ASIC2: variants seen among roughly 807,000 people sequenced by gnomAD.
The protein encoded by ASIC2 is acid sensing ion channel subunit 2.
ASIC2 carries 25 observed loss-of-function variants against 57.3 expected under a neutral mutation model. The observed-to-expected ratio is 0.44, with a 90% CI of 0.32 to 0.61. ASIC2 has a LOEUF of 0.61. ASIC2 is among the 20% of genes least tolerant of loss of function. The probability of loss-of-function intolerance (pLI) is 0.06; values close to 1 mark genes in which losing one functional copy is unlikely to be tolerated. For synonymous variants in ASIC2, 319 were observed against 307.5 expected, an observed-to-expected ratio of 1.04 and a Z score of -0.39; for missense variants, 641 against 738.1, an observed-to-expected ratio of 0.87 and a Z score of 1.52.
At chr17:33,025,471 C>T (rs1264140720) in intron 5 of ASIC2, among the ~76,000 whole-genome samples, 3 of 152,122 alleles carry the variant, frequency 2.0e-5, no homozygotes, top group Non-Finnish European at 4.4e-5. Flanking sequence ...CTCAATGGAG[C>T]AGAAGAAAGA....
intron 1 of ASIC2, among the ~76,000 whole-genome samples, chr17:33,144,214 A>G (rs1401663244): frequency 6.6e-6 from 1 of 152,162 alleles, no homozygotes; most frequent in African/African-American, 2.4e-5. Flanking sequence ...GAGACTGCTC[A>G]GTTTCTTTTT....
intron 2 of ASIC2, among the ~76,000 whole-genome samples, chr17:33,107,175 C>A (rs960623018): frequency 1.3e-5 from 2 of 152,214 alleles, no homozygotes; most frequent in African/African-American, 4.8e-5. Flanking sequence ...ACCTCCCTTT[C>A]TGCCTTCAAT....
At chr17:33,780,563 T>G (rs1271143834) in intron 1 of ASIC2, among the ~76,000 whole-genome samples, 1 of 152,226 alleles carries the variant, frequency 6.6e-6, no homozygotes, top group Non-Finnish European at 1.5e-5. Flanking sequence ...GACCTGAGTT[T>G]GAATCCCTAT....
chr17:33,287,765 C>T (rs909894979), intron 1 of ASIC2, among the ~76,000 whole-genome samples: 1 of 152,174 alleles, frequency 6.6e-6, no homozygotes, highest in Admixed American at 6.5e-5. Context: ...GCACTTCCCC[C>T]CAAAGGCCTC....
At chr17:33,807,794 T>C (rs904259215) in intron 1 of ASIC2, among the ~76,000 whole-genome samples, 1 of 152,270 alleles carries the variant, frequency 6.6e-6, no homozygotes, top group Non-Finnish European at 1.5e-5. Flanking sequence ...TGATGACATA[T>C]GATGTGGAGC....
intron 9 of ASIC2, among the ~76,000 whole-genome samples, 170 bp from the exon 10 acceptor site, chr17:33,014,236 GA>G (rs2091794250): frequency 6.6e-6 from 1 of 152,170 alleles, no homozygotes; most frequent in Non-Finnish European, 1.5e-5. Context: ...AGGCTGAATG[GA>G]ATCCTTACCA....
intron 1 of ASIC2, among the ~76,000 whole-genome samples, chr17:33,925,768 G>A (rs749101742): frequency 6.6e-6 from 1 of 152,128 alleles, no homozygotes; most frequent in Non-Finnish European, 1.5e-5. Flanking sequence ...GGCCATTCTT[G>A]TGCCCATGGT....
At chr17:34,031,589 A>G (rs565617772) in intron 1 of ASIC2, among the ~76,000 whole-genome samples, 3 of 152,334 alleles carry the variant, frequency 2.0e-5, no homozygotes, top group African/African-American at 4.8e-5. Context: ...ATTCGAACCA[A>G]TGGCAAAGAA....
At chr17:34,153,425 G>A (rs1026483097) in intron 1 of ASIC2, among the ~76,000 whole-genome samples, 2 of 152,212 alleles carry the variant, frequency 1.3e-5, no homozygotes, top group Non-Finnish European at 2.9e-5. Context: ...ACAACCACCT[G>A]TCCAGGCTCT....
At chr17:33,885,483 C>T (rs1291093051) in intron 1 of ASIC2, among the ~76,000 whole-genome samples, 1 of 152,134 alleles carries the variant, frequency 6.6e-6, no homozygotes, top group Non-Finnish European at 1.5e-5. Flanking sequence ...TTGTTTTTAG[C>T]AGTACTTATA....
At chr17:33,147,079 C>T (rs1336069077) in intron 1 of ASIC2, among the ~76,000 whole-genome samples, 2 of 152,172 alleles carry the variant, frequency 1.3e-5, no homozygotes, top group African/African-American at 4.8e-5. Context: ...GAAGTAAGAA[C>T]TTAATAACTA....
Position 33,589,316 on chromosome 17 carries a change from C to T in ASIC2, c.556-477249G>A, listed in dbSNP as rs538897419. ...GAAAGCTTTCAGAAGGCCATGAGCC[C>T]CCTGAACTGAAATTATTTCTTATTT... is the stretch of plus-strand genomic sequence containing the variant. On this transcript the variant is annotated intron_variant, in intron 1 of 9. Coordinates refer to the ASIC2 transcript ENST00000359872. Among the ~76,000 whole-genome samples the T allele has an allele frequency of 2.0e-5, 3 of 152,254 alleles. No homozygotes were observed. In the East Asian group the frequency reaches 5.8e-4, roughly 29 times the overall value.
intron 1 of ASIC2, among the ~76,000 whole-genome samples, chr17:33,395,028 A>G (rs1202095357): frequency 7.2e-6 from 1 of 138,072 alleles, no homozygotes; most frequent in African/African-American, 2.7e-5. Flanking sequence ...ATCCATGCAC[A>G]TATCTATCCA....
chr17:33,942,198 G>A (rs1916206666), intron 1 of ASIC2, among the ~76,000 whole-genome samples: 1 of 152,110 alleles, frequency 6.6e-6, no homozygotes, highest in Admixed American at 6.5e-5. Flanking sequence ...ATGCCTGAAA[G>A]CCCCTGGAGA....
intron 1 of ASIC2, among the ~76,000 whole-genome samples, chr17:33,745,622 G>GA (rs1287770584): frequency 6.6e-6 from 1 of 150,958 alleles, no homozygotes. Flanking sequence ...ATGTAAGTCA[G>GA]AAAGCAGTGG....
chr17:33,224,146 G>A (rs530250309), intron 1 of ASIC2, among the ~76,000 whole-genome samples: 20 of 152,358 alleles, frequency 1.3e-4, no homozygotes, highest in African/African-American at 4.6e-4. Context: ...GTCAGGTGTT[G>A]TGCATGTAAG....
intron 1 of ASIC2, among the ~76,000 whole-genome samples, chr17:33,132,639 G>A (rs1338714077): frequency 6.6e-6 from 1 of 152,236 alleles, no homozygotes; most frequent in African/African-American, 2.4e-5. Flanking sequence ...GCCTCTGGTA[G>A]AGTCCAATTT....
rs750939331 is a variant in ASIC2 at position 33,291,909 on chromosome 17, C to T, written c.207G>A (p.Leu69=). Reference sequence around the variant, plus strand: ...CCGTGCGCCCGGCACACATGTGCCGCAGCCCGTGCAGTTTAGCGCGGCTCA... The same window carrying T: ...CCGTGCGCCCGGCACACATGTGCCGTAGCCCGTGCAGTTTAGCGCGGCTCA... ...PSLSRAKLHG[L]RHMCAGRTAA... Residue 69 remains leucine (L), a synonymous_variant, in exon 1 of 10, where the codon CTG becomes CTA. Coordinates refer to ENST00000225823, the MANE Select transcript of ASIC2 (RefSeq NM_183377.2). The T allele has an allele frequency of 4.4e-6, 7 of 1,594,756 alleles. No individual in the cohort carries two copies. Among genetic ancestry groups the T allele is most frequent in the Non-Finnish European group, 6.0e-6 (7 of 1,175,688 alleles).
At chr17:33,579,193 G>T (rs528318744) in intron 1 of ASIC2, among the ~76,000 whole-genome samples, 2 of 151,300 alleles carry the variant, frequency 1.3e-5, no homozygotes, top group Admixed American at 6.6e-5. Flanking sequence ...GGCTGAGGCA[G>T]GAGAATCGCT....
Sources: gnomAD v4.1 joint callset for allele counts (sites outside exome capture counted in the v4.1 genomes callset) on GRCh38, gnomAD v4.1.1 for gene constraint, MANE v1.5 for transcripts, NCBI Gene and HGNC (gene_info 2026-07-23, HGNC 2026-07-21) for gene names.